Variants in EMCN observed in about 807,000 individuals in gnomAD.
EMCN encodes the protein MUC-14.
Under a neutral mutation model 38.4 loss-of-function variants are expected in EMCN, and 37 were observed. That is an observed-to-expected ratio of 0.96 (90% confidence interval 0.74 to 1.27). The LOEUF is 1.27. EMCN is among the 50% of genes most tolerant of loss of function. The pLI, the probability that EMCN is intolerant of heterozygous loss-of-function variation, is 0.00. For missense variants in EMCN, 318 were observed against 302.8 expected (o/e 1.05, Z -0.37); for synonymous variants, 95 against 100.8 (o/e 0.94, Z 0.35).
At chr4:100,492,433 T>C (rs1280947998) in intron 1 of EMCN, among the ~76,000 whole-genome samples, 3 of 151,654 alleles carry the variant, frequency 2.0e-5, no homozygotes, top group African/African-American at 7.3e-5. Context: ...ATACACATAA[T>C]GGGAATTTAA....
chr4:100,495,219 A>T (rs548399668), intron 1 of EMCN, among the ~76,000 whole-genome samples: 2 of 151,602 alleles, frequency 1.3e-5, no homozygotes, highest in South Asian at 4.2e-4. Context: ...GAGTTACCTA[A>T]TTTTTTTTTA....
chr4:100,399,015 G>T (rs998271055), intron 11 of EMCN, among the ~76,000 whole-genome samples: 1 of 152,158 alleles, frequency 6.6e-6, no homozygotes, highest in Non-Finnish European at 1.5e-5. Context: ...GACAATGTGA[G>T]TAATTAAAAA....
At chr4:100,439,613 A>T (rs1727454994) in intron 5 of EMCN, among the ~76,000 whole-genome samples, 3 of 145,642 alleles carry the variant, frequency 2.1e-5, no homozygotes, top group Non-Finnish European at 4.6e-5. Context: ...TCTTCCTATG[A>T]TTTTTCTGTT....
At chr4:100,495,038 T>C (rs369485851) in intron 1 of EMCN, among the ~76,000 whole-genome samples, 11 of 151,992 alleles carry the variant, frequency 7.2e-5, no homozygotes, top group African/African-American at 2.7e-4. Context: ...CAAAGAAATA[T>C]GAGATTTGAC....
chr4:100,413,948 G>A (rs746400437), intron 10 of EMCN, among the ~76,000 whole-genome samples: 2 of 152,162 alleles, frequency 1.3e-5, no homozygotes, highest in Non-Finnish European at 2.9e-5. Flanking sequence ...CCACTAGAGT[G>A]GGAGAGAGCC....
chr4:100,428,453 C>G (rs184956487), intron 5 of EMCN, among the ~76,000 whole-genome samples: 1 of 152,244 alleles, frequency 6.6e-6, no homozygotes, highest in East Asian at 1.9e-4. Context: ...TTTCTCAGAG[C>G]ACTTATGCCT....
At position 100,413,695 on chromosome 4, in the gene EMCN, A is replaced by G. The variant is rs3775354; in HGVS notation, c.751+2203T>C. ...AATTTCAGTGTTGCCTTATCACCAA[A>G]TATTTTCCATGGTAATCATCTGGGT... On this transcript the variant is annotated intron_variant, in intron 10 of 11. Transcript: ENST00000296420. 2.5e-4 allele frequency among the ~76,000 whole-genome samples: 38 copies of G among 152,290 alleles called. No individual in the cohort carries two copies. In the East Asian group the frequency reaches 6.9e-3, roughly 28 times the overall value.
intron 3 of EMCN, among the ~76,000 whole-genome samples, chr4:100,468,867 G>A (rs1157847432): frequency 1.3e-5 from 2 of 151,622 alleles, no homozygotes; most frequent in African/African-American, 4.8e-5. Context: ...ACATGTTATT[G>A]TTTACAGAAA....
At chr4:100,410,765 T>G (rs1443614663) in intron 10 of EMCN, among the ~76,000 whole-genome samples, 1 of 152,200 alleles carries the variant, frequency 6.6e-6, no homozygotes, top group African/African-American at 2.4e-5. Context: ...GTCCTTCTGT[T>G]TAAATAATTC....
intron 5 of EMCN, among the ~76,000 whole-genome samples, chr4:100,433,705 T>G (rs1365571132): frequency 2.0e-5 from 3 of 152,098 alleles, no homozygotes; most frequent in African/African-American, 7.2e-5. Flanking sequence ...CTAGCCAATT[T>G]TTGTATTTTT....
chr4:100,418,665 T>C (rs1467189594), intron 8 of EMCN, among the ~76,000 whole-genome samples: 1 of 149,354 alleles, frequency 6.7e-6, no homozygotes, highest in Non-Finnish European at 1.5e-5. Context: ...GCCTGACTTA[T>C]TTCACTTAAC....
At chr4:100,415,844 A>T in intron 10 of EMCN, 54 bp downstream of exon 10, 1 of 1,221,150 alleles carries the variant, frequency 8.2e-7, no homozygotes, top group Non-Finnish European at 1.2e-6. Flanking sequence ...CCAAGGTTAT[A>T]GTTAGATTCT....
At chr4:100,423,442 A>T in intron 5 of EMCN, 38 bp from the exon 6 acceptor site, 1 of 1,418,018 alleles carries the variant, frequency 7.1e-7, no homozygotes, top group South Asian at 1.2e-5. Flanking sequence ...AGGCTATGGT[A>T]TTAAGCCTTC....
chr4:100,480,585 CAT>C (rs60583065), intron 1 of EMCN, among the ~76,000 whole-genome samples: 25,284 of 151,124 alleles, frequency 0.17, 3,494 homozygotes, highest in East Asian at 0.72. Flanking sequence ...TATACACACA[CAT>C]ATATATACAC....
At chr4:100,453,479 C>G (rs1312782071) in intron 4 of EMCN, among the ~76,000 whole-genome samples, 2 of 152,224 alleles carry the variant, frequency 1.3e-5, no homozygotes, top group East Asian at 3.8e-4. Context: ...GAGATACCAT[C>G]TCACACCTGT....
At chr4:100,483,319 G>A (rs143922665) in intron 1 of EMCN, 2 of 152,196 alleles carry the variant, frequency 1.3e-5, no homozygotes, top group Non-Finnish European at 2.9e-5. Flanking sequence ...CTTGACTTCA[G>A]ATAATATATT....
chr4:100,485,535 C>A (rs140932331), intron 1 of EMCN, among the ~76,000 whole-genome samples: 3 of 151,590 alleles, frequency 2.0e-5, no homozygotes, highest in Admixed American at 6.6e-5. Context: ...CAGCAAATGA[C>A]CATTAATGAA....
At chr4:100,409,244 G>A (rs565645850) in intron 11 of EMCN, among the ~76,000 whole-genome samples, 2 of 144,180 alleles carry the variant, frequency 1.4e-5, no homozygotes, top group East Asian at 2.6e-4. Context: ...ATTTTTTATT[G>A]TTAGTTGCCG....
chr4:100,399,347 T>C (rs1328789967), intron 11 of EMCN, among the ~76,000 whole-genome samples: 2 of 151,970 alleles, frequency 1.3e-5, no homozygotes, highest in Non-Finnish European at 2.9e-5. Context: ...TGATATGGTG[T>C]GTGTGGTGGG....
Sources: allele counts gnomAD v4.1 joint callset (sites outside exome capture counted in the v4.1 genomes callset), GRCh38; gene constraint gnomAD v4.1.1; transcripts MANE v1.5; gene names NCBI Gene and HGNC (gene_info 2026-07-23, HGNC 2026-07-21).